KCNQ1: variants seen among roughly 807,000 people sequenced by gnomAD.
KCNQ1 encodes potassium voltage-gated channel subfamily Q member 1.
Under a neutral mutation model 72.4 loss-of-function variants are expected in KCNQ1, and 49 were observed. The observed-to-expected ratio is 0.68, with a 90% confidence interval of 0.54 to 0.86. The LOEUF (loss-of-function observed/expected upper bound fraction) is 0.86. Among genes scored for constraint, KCNQ1 ranks in the 40% least tolerant of loss-of-function variants. KCNQ1 has a pLI of 0.00. For missense variants in KCNQ1, 790 were observed against 945.1 expected, an observed-to-expected ratio of 0.84 and a Z score of 2.15; for synonymous variants, 450 against 412.6, an observed-to-expected ratio of 1.09 and a Z score of -1.10.
chr11:2,755,887 TC>T (rs1846291970), intron 11 of KCNQ1, among the ~76,000 whole-genome samples: 1 of 152,188 alleles, frequency 6.6e-6, no homozygotes, highest in Admixed American at 6.5e-5. Context: ...ATACAAATTA[TC>T]AGACAGAAAA....
At chr11:2,586,234 G>A (rs1250339874) in intron 8 of KCNQ1, among the ~76,000 whole-genome samples, 1 of 152,204 alleles carries the variant, frequency 6.6e-6, no homozygotes, top group Non-Finnish European at 1.5e-5. Flanking sequence ...CCCGCTGGCT[G>A]GCGTCCCCCC....
intron 10 of KCNQ1, chr11:2,630,698 A>G (rs1425185391): frequency 1.3e-5 from 5 of 398,192 alleles, no homozygotes; most frequent in Non-Finnish European, 1.8e-5. Flanking sequence ...ATATGTTTTC[A>G]TGTTACTAAT....
rs1850596161 is a variant in KCNQ1 at position 2,692,030 on chromosome 11, C to T, written c.1514+29949C>T. The T allele has an allele frequency of 1.8e-5, 7 of 398,702 alleles. No individual in the cohort carries two copies. The East Asian group carries it at 2.5e-4, about 14-fold the overall frequency. 24.7% of individuals were successfully genotyped at this position (398,702 alleles called of 1,614,324 possible). A position where few individuals can be genotyped will look rare whatever the true frequency, so the allele number is the denominator to read the frequency against. On this transcript the variant is annotated intron_variant, in intron 11 of 15. Coordinates refer to ENST00000155840, the MANE Select transcript of KCNQ1 (RefSeq NM_000218.3). Reference sequence around the variant, plus strand: ...AAGGGCTTCCAGACCACCTGTGAGGCCCTGACCCCCCAAATGTCTCTCCAA... The same window carrying T: ...AAGGGCTTCCAGACCACCTGTGAGGTCCTGACCCCCCAAATGTCTCTCCAA...
At position 2,657,352 on chromosome 11, in the gene KCNQ1, A is replaced by G. The variant is rs188011095; in HGVS notation, c.1394-4609A>G. On this transcript the variant is annotated intron_variant, in intron 10 of 15. Coordinates refer to ENST00000155840, the MANE Select transcript of KCNQ1 (RefSeq NM_000218.3). This position sits in a 1 kb window ranked among gnomAD's most constrained non-coding sequence, Gnocchi z 4.8. Reference sequence around the variant, plus strand: ...CTTCTAGTCATTGGAATGAAGGCATATTTCTCCATTTATATCTTCTTCATT... The same window carrying G: ...CTTCTAGTCATTGGAATGAAGGCATGTTTCTCCATTTATATCTTCTTCATT... 1 of 398,498 alleles carries G rather than the reference A, an allele frequency of 2.5e-6. No homozygotes were observed. The highest frequency in any genetic ancestry group is 3.6e-5 in the East Asian group (1 of 28,064). 24.7% of individuals were successfully genotyped at this position (398,498 alleles called of 1,614,324 possible).
At position 2,751,633 on chromosome 11, in the gene KCNQ1, C is replaced by T. The variant is rs528434905; in HGVS notation, c.1515-17211C>T. ...GGGGCGGCGACCCTCGTCTGACAGG[C>T]GGCTGTTCTGAGAGCGGTGGCTGTC... On this transcript the variant is annotated intron_variant, in intron 11 of 15. Transcript: ENST00000155840. Among the ~76,000 whole-genome samples, 60 of 152,390 alleles carry T rather than the reference C, an allele frequency of 3.9e-4. No homozygotes were observed. In the South Asian group the frequency reaches 0.012, roughly 30 times the overall value.
intron 1 of KCNQ1, among the ~76,000 whole-genome samples, chr11:2,500,595 T>C (rs754717367): frequency 2.6e-5 from 4 of 152,162 alleles, no homozygotes; most frequent in African/African-American, 4.8e-5. Context: ...TGCACCACTA[T>C]TCACAATAGC....
Position 2,725,745 on chromosome 11 carries a change from T to A in KCNQ1, c.1515-43099T>A, listed in dbSNP as rs1320355912. On this transcript the variant is annotated intron_variant, in intron 11 of 15. Transcript: ENST00000155840. This position sits in a 1 kb window ranked among gnomAD's most constrained non-coding sequence, Gnocchi z 7.2. ...AGAGATCACTGGGCTTTGTGAAACC[T>A]GTCAGCTTGTGTGAAAGCTATCTCC... is the stretch of plus-strand genomic sequence containing the variant. 6.6e-6 allele frequency among the ~76,000 whole-genome samples: 1 copy of A among 152,122 alleles called. No homozygotes were observed. The highest frequency in any genetic ancestry group is 6.5e-5 in the Admixed American group (1 of 15,280).
chr11:2,837,099 G>T (rs1001726829), intron 15 of KCNQ1, among the ~76,000 whole-genome samples: 2 of 152,198 alleles, frequency 1.3e-5, no homozygotes, highest in African/African-American at 2.4e-5. Context: ...GGCACGTAGG[G>T]CGGAGGAAGA....
In KCNQ1 at chr11:2,566,065, T is replaced by TC. The variant is rs1343523235; in HGVS notation, c.478-4559dup. On this transcript the variant is annotated intron_variant, in intron 2 of 15. Coordinates refer to ENST00000155840, the MANE Select transcript of KCNQ1 (RefSeq NM_000218.3). This position sits in a 1 kb window ranked among gnomAD's most constrained non-coding sequence, Gnocchi z 6.7. ...GGCTCTGTGAGGCCCAGGCCTGTCT[T>TC]CCCCACCTCACCCCACAGGGCTGAG... Among the ~76,000 whole-genome samples, 1 of 151,858 alleles carries TC rather than the reference T, an allele frequency of 6.6e-6. No individual in the cohort carries two copies. The highest frequency in any genetic ancestry group is 6.6e-5 in the Admixed American group (1 of 15,196).
At chr11:2,625,042 C>T (rs933093799) in intron 10 of KCNQ1, 21 of 398,566 alleles carry the variant, frequency 5.3e-5, no homozygotes, top group Admixed American at 1.3e-4. Flanking sequence ...CCACTACAAT[C>T]GTGGGTATAC....
At chr11:2,847,627 G>C (rs1269446274) in intron 15 of KCNQ1, 140 bp from the exon 16 acceptor site, 7 of 753,946 alleles carry the variant, frequency 9.3e-6, no homozygotes, top group Non-Finnish European at 1.6e-5. Context: ...GTGCACACGT[G>C]CGTGCCGCCT....
rs1405546038 is a variant in KCNQ1, at chr11:2,480,742, G to A, written c.386+35258G>A. Among the ~76,000 whole-genome samples, 4 of 152,332 alleles carry A rather than the reference G, an allele frequency of 2.6e-5. No individual in the cohort carries two copies. In the South Asian group the frequency reaches 6.2e-4, roughly 24 times the overall value. On this transcript the variant is annotated intron_variant, in intron 1 of 15. Coordinates refer to ENST00000155840, the MANE Select transcript of KCNQ1 (RefSeq NM_000218.3). ...GTAGAGAACTGTAGTGTGCAATAGA[G>A]ACCTGTAGTGTGCATGTCAGTGTTG...
In KCNQ1 at chr11:2,565,365, T is replaced by G. The variant is rs1237106130; in HGVS notation, c.478-5263T>G. ...GTGGTCTTGATTTGCATTTCCCTGA[T>G]GATTAGTGACACTGGGCACCTCTCC... On this transcript the variant is annotated intron_variant, in intron 2 of 15. Transcript: ENST00000155840. This position sits in a 1 kb window ranked among gnomAD's most constrained non-coding sequence, Gnocchi z 5.6. Among the ~76,000 whole-genome samples the G allele has an allele frequency of 6.6e-6, 1 of 152,176 alleles. No individual in the cohort carries two copies. The highest frequency in any genetic ancestry group is 1.9e-4 in the East Asian group (1 of 5,178).
At position 2,514,538 on chromosome 11, in the gene KCNQ1, G is replaced by A. The variant is rs548891862; in HGVS notation, c.387-13390G>A. Reference sequence around the variant, plus strand: ...AAGCTACAGCAAGAAAGACTTGGCCGGGCGAGGTGGCTCATGGGCGCGGTG... The same window carrying A: ...AAGCTACAGCAAGAAAGACTTGGCCAGGCGAGGTGGCTCATGGGCGCGGTG... On this transcript the variant is annotated intron_variant, in intron 1 of 15. Coordinates refer to ENST00000155840, the MANE Select transcript of KCNQ1 (RefSeq NM_000218.3). Among the ~76,000 whole-genome samples, 16 of 152,336 alleles carry A rather than the reference G, an allele frequency of 1.1e-4. No homozygotes were observed. The East Asian group carries it at 3.1e-3, about 29-fold the overall frequency.
At chr11:2,714,038 C>G (rs1476881573) in intron 11 of KCNQ1, among the ~76,000 whole-genome samples, 1 of 151,872 alleles carries the variant, frequency 6.6e-6, no homozygotes, top group Non-Finnish European at 1.5e-5. Flanking sequence ...AGCCCTCCCC[C>G]ACACAGGCAG....
In KCNQ1 at chr11:2,668,753, C is replaced by T. The variant is rs1850128785; in HGVS notation, c.1514+6672C>T. ...TATCGCCTCCCCCTCTGCAGGCTGC[C>T]TTCTTCCTCTCTTGATGGTGTCTTT... On this transcript the variant is annotated intron_variant, in intron 11 of 15. Coordinates refer to ENST00000155840, the MANE Select transcript of KCNQ1 (RefSeq NM_000218.3). This position sits in a 1 kb window ranked among gnomAD's most constrained non-coding sequence, Gnocchi z 4.3. 1 of 398,528 alleles carries T rather than the reference C, an allele frequency of 2.5e-6. No individual in the cohort carries two copies. The highest frequency in any genetic ancestry group is 1.3e-4 in the South Asian group (1 of 7,864). The allele number at this position is 398,528 out of a possible 1,614,324, so 24.7% of individuals were successfully genotyped here.
At chr11:2,529,655 C>T (rs1468117108) in intron 2 of KCNQ1, among the ~76,000 whole-genome samples, 1 of 152,156 alleles carries the variant, frequency 6.6e-6, no homozygotes, top group African/African-American at 2.4e-5. Context: ...TCTGCTACAG[C>T]CTGTGGTCCT....
rs546616170 is a variant in KCNQ1, at chr11:2,486,548, T to C, written c.386+41064T>C. Reference sequence around the variant, plus strand: ...TTTTGTTGCCTGTGCCTTTGGTCTTTGTGTTAGTCCATTTAGCATTGCTAT... The same window carrying C: ...TTTTGTTGCCTGTGCCTTTGGTCTTCGTGTTAGTCCATTTAGCATTGCTAT... On this transcript the variant is annotated intron_variant, in intron 1 of 15. Transcript: ENST00000155840. This position sits in a 1 kb window ranked among gnomAD's most constrained non-coding sequence, Gnocchi z 5.0. Among the ~76,000 whole-genome samples the C allele has an allele frequency of 9.2e-5, 14 of 152,328 alleles. No individual in the cohort carries two copies. Among genetic ancestry groups the C allele is most frequent in the African/African-American group, 3.1e-4 (13 of 41,580 alleles).
chr11:2,633,949 A>G, intron 10 of KCNQ1: 1 of 398,632 alleles, frequency 2.5e-6, no homozygotes. Flanking sequence ...AAATCCACGT[A>G]TAAATGAACC....
Sources: allele counts gnomAD v4.1 joint callset (sites outside exome capture counted in the v4.1 genomes callset), GRCh38; gene constraint gnomAD v4.1.1; non-coding constraint Gnocchi (gnomAD v3.1); transcripts MANE v1.5; gene names NCBI Gene and HGNC (gene_info 2026-07-23, HGNC 2026-07-21).